Variants in ANXA11 observed in about 807,000 individuals in gnomAD.
ANXA11 encodes annexin A11, also known as 56 kDa autoantigen.
ANXA11 carries 57 observed loss-of-function variants against 64.7 expected under a neutral mutation model. That is an observed-to-expected ratio of 0.88 (90% CI 0.71 to 1.10). ANXA11 has a LOEUF of 1.10. Among genes scored for constraint, ANXA11 ranks in the 50% least tolerant of loss-of-function variants. The pLI is 0.00. For missense variants in ANXA11, 675 were observed against 670.7 expected, an observed-to-expected ratio of 1.01 and a Z score of -0.07; for synonymous variants, 260 against 265.2, an observed-to-expected ratio of 0.98 and a Z score of 0.19.
intron 3 of ANXA11, 68 bp downstream of exon 3, chr10:80,172,736 TCTC>T (rs1846027011): frequency 1.1e-5 from 16 of 1,464,958 alleles, no homozygotes; most frequent in Non-Finnish European, 1.4e-5. Flanking sequence ...AAACTACTGT[TCTC>T]CCCTCTCCAC....
chr10:80,171,358 A>C (rs1353976086), intron 3 of ANXA11: 51 of 653,972 alleles, frequency 7.8e-5, no homozygotes, highest in Non-Finnish European at 9.5e-5. Context: ...GCTGTTTGCT[A>C]TTACAAGTCT....
At position 80,184,539 on chromosome 10, in the gene ANXA11, A is replaced by T. The variant is rs80051784; in HGVS notation, c.-57-8384T>A. Among the ~76,000 whole-genome samples the T allele has an allele frequency of 1.2e-3, 181 of 152,196 alleles. 1 individual carries two copies. In the East Asian group the frequency reaches 0.03, roughly 25 times the overall value. On this transcript the variant is annotated intron_variant, in intron 1 of 15. Transcript: ENST00000422982. ...GAGTCAGGGACCGTGTGTGTGTGTG[A>T]GAGAGAGACAGAGAGTGTGTTTATA...
intron 7 of ANXA11, chr10:80,166,598 T>TGAAGAGGGCAGG: frequency 2.0e-6 from 1 of 491,046 alleles, no homozygotes; most frequent in East Asian, 3.7e-5. Context: ...AGGGTGGTCA[T>TGAAGAGGGCAGG]GAAGAGGGCA....
chr10:80,193,444 G>A lies in ANXA11; in HGVS notation c.-58+11899C>T, dbSNP rs376503721. On this transcript the variant is annotated intron_variant, in intron 1 of 15. Transcript: ENST00000422982. ...TGGATCAACATATTTGGCTTTTTTC[G>A]TGTATTATTATAAAATATTTTTACA... Among the ~76,000 whole-genome samples the A allele has an allele frequency of 1.3e-4, 20 of 152,100 alleles. 3 individuals carry two copies. Among genetic ancestry groups the A allele is most frequent in the Admixed American group, 6.5e-4 (10 of 15,290 alleles).
rs1845768489 is a variant in ANXA11 at position 80,166,967 on chromosome 10, TG to T, written c.666del (p.Ile223SerfsTer28). ...GAGCGACTCCCCAGGCAGTCAATGA[TG>T]GCCTGCTCATCCGTCCCTGGAGGAA... is the stretch of plus-strand genomic sequence containing the variant. ...AMKGFGTDEQ[A>X]IIDCLGSRSN... On this transcript the variant is annotated frameshift_variant, in exon 7 of 16. Coordinates refer to ENST00000422982, the MANE Select transcript of ANXA11 (RefSeq NM_145868.2). LOFTEE classifies it high-confidence loss of function. The T allele has an allele frequency of 6.2e-7, 1 of 1,603,350 alleles. No homozygotes were observed. The highest frequency in any genetic ancestry group is 8.5e-7 in the Non-Finnish European group (1 of 1,175,738).
intron 7 of ANXA11, 120 bp downstream of exon 7, chr10:80,166,770 T>A: frequency 1.3e-6 from 1 of 778,478 alleles, no homozygotes. Context: ...GGAAATGCCC[T>A]CCTGCTCCTT....
intron 5 of ANXA11, 135 bp downstream of exon 5, chr10:80,168,834 G>T: frequency 1.9e-6 from 2 of 1,059,284 alleles, no homozygotes; most frequent in Non-Finnish European, 2.6e-6. Context: ...ACTGCACCCG[G>T]CCGACACTAT....
chr10:80,178,262 C>T (rs1846240025), intron 1 of ANXA11, among the ~76,000 whole-genome samples: 1 of 151,962 alleles, frequency 6.6e-6, no homozygotes, highest in Non-Finnish European at 1.5e-5. Context: ...TACCTTTCAC[C>T]CTGACCAATG....
At chr10:80,171,870 G>A (rs1845990025) in intron 3 of ANXA11, 10 of 985,448 alleles carry the variant, frequency 1.0e-5, no homozygotes, top group Non-Finnish European at 1.2e-5. Flanking sequence ...ACCCAGGCCA[G>A]TGCCAGCCAA....
chr10:80,161,025 G>A (rs914560998), intron 12 of ANXA11, among the ~76,000 whole-genome samples: 15 of 152,064 alleles, frequency 9.9e-5, no homozygotes, highest in African/African-American at 1.9e-4. Flanking sequence ...GCAGCCTCCC[G>A]ACAGGCTTCG....
intron 2 of ANXA11, among the ~76,000 whole-genome samples, chr10:80,174,422 G>A (rs190193351): frequency 2.0e-5 from 3 of 151,256 alleles, no homozygotes; most frequent in East Asian, 1.9e-4. Context: ...GATTACAGGC[G>A]CCCGCCATCA....
At chr10:80,177,418 G>A (rs902691088) in intron 1 of ANXA11, among the ~76,000 whole-genome samples, 7 of 152,078 alleles carry the variant, frequency 4.6e-5, no homozygotes, top group African/African-American at 1.7e-4. Flanking sequence ...TTCAGGCCAC[G>A]GAGACCTTAT....
At chr10:80,199,840 C>A (rs1840341215) in intron 1 of ANXA11, among the ~76,000 whole-genome samples, 1 of 152,120 alleles carries the variant, frequency 6.6e-6, no homozygotes. Context: ...TCTCAGGGTA[C>A]AACAAGGCAT....
chr10:80,183,438 C>T (rs1001092097), intron 1 of ANXA11, among the ~76,000 whole-genome samples: 10 of 152,198 alleles, frequency 6.6e-5, no homozygotes, highest in African/African-American at 2.4e-4. Context: ...CAGCTTTCAC[C>T]CCAAATCCTA....
chr10:80,204,513 G>GA (rs1211722327), intron 1 of ANXA11, among the ~76,000 whole-genome samples: 8 of 152,332 alleles, frequency 5.3e-5, no homozygotes, highest in Admixed American at 2.0e-4. Flanking sequence ...CACAAACGCC[G>GA]AATCTCTACA....
Position 80,169,224 on chromosome 10 carries a change from G to T in ANXA11, c.306C>A (p.Pro102=). ...CTCCTGGGGGTGGATACATCCCATA[G>T]GGAGGAACAGGCTGCTGGGCAGAGG... is the stretch of plus-strand genomic sequence containing the variant. ...QPPSAQQPVP[P]YGMYPPPGGN... is the part of the protein sequence containing the mutation. The change falls in exon 5 of 16, where the codon CCC becomes CCA. Residue 102 remains proline, a synonymous_variant. Transcript: ENST00000422982. The T allele has an allele frequency of 6.2e-7, 1 of 1,612,060 alleles. No homozygotes were observed. Among genetic ancestry groups the T allele is most frequent in the South Asian group, 1.1e-5 (1 of 91,006 alleles).
intron 1 of ANXA11, among the ~76,000 whole-genome samples, chr10:80,199,309 G>T (rs1418514934): frequency 6.6e-6 from 1 of 152,004 alleles, no homozygotes; most frequent in Non-Finnish European, 1.5e-5. Flanking sequence ...GTGTTAGCCA[G>T]GATGGTCTCT....
At chr10:80,200,666 G>C (rs112992024) in intron 1 of ANXA11, among the ~76,000 whole-genome samples, 3 of 152,216 alleles carry the variant, frequency 2.0e-5, no homozygotes, top group African/African-American at 7.2e-5. Flanking sequence ...TCAGCGTCCC[G>C]CAGAGGACCT....
intron 9 of ANXA11, 78 bp downstream of exon 9, chr10:80,163,975 G>C (rs1348500840): frequency 1.6e-6 from 2 of 1,254,424 alleles, no homozygotes; most frequent in Non-Finnish European, 2.3e-6. Flanking sequence ...AAGGCCCTAG[G>C]AGAGAATGAG....
Sources: allele counts gnomAD v4.1 joint callset (sites outside exome capture counted in the v4.1 genomes callset), GRCh38; gene constraint gnomAD v4.1.1; transcripts MANE v1.5; gene names NCBI Gene and HGNC (gene_info 2026-07-23, HGNC 2026-07-21).